MYOM1: variants seen among roughly 807,000 people sequenced by gnomAD.
MYOM1 encodes myomesin-1.
MYOM1 carries 164 observed loss-of-function variants against 205.3 expected under a neutral mutation model. The observed-to-expected ratio is 0.80, with a 90% CI of 0.70 to 0.91. The LOEUF (loss-of-function observed/expected upper bound fraction) is 0.91, where lower values mean the gene tolerates loss of function less well. Ranked by LOEUF, MYOM1 falls within the 40% of genes least tolerant of loss-of-function variation. The pLI, the probability that MYOM1 is intolerant of heterozygous loss-of-function variation, is 0.00. For missense variants in MYOM1, 2,011 were observed against 2,127.3 expected, an observed-to-expected ratio of 0.95 and a Z score of 1.08; for synonymous variants, 772 against 789.4, an observed-to-expected ratio of 0.98 and a Z score of 0.37.
At chr18:3,188,225 A>G (rs1407165224) in intron 4 of MYOM1, among the ~76,000 whole-genome samples, 1 of 151,824 alleles carries the variant, frequency 6.6e-6, no homozygotes, top group African/African-American at 2.4e-5. Context: ...GGAGTTTAAA[A>G]CTATTGTTTG....
intron 19 of MYOM1, among the ~76,000 whole-genome samples, chr18:3,122,521 T>C (rs1254513872): frequency 6.6e-6 from 1 of 152,230 alleles, no homozygotes; most frequent in Non-Finnish European, 1.5e-5. Context: ...GAATTATATC[T>C]TAATAAAGGG....
intron 11 of MYOM1, among the ~76,000 whole-genome samples, chr18:3,153,419 G>A (rs368396667): frequency 1.3e-4 from 20 of 152,290 alleles, no homozygotes; most frequent in Middle Eastern, 3.4e-3. Context: ...GAAGTGTTTA[G>A]AACAGTGCCA....
chr18:3,168,709 G>A (rs2080508668), intron 9 of MYOM1, 108 bp downstream of exon 9: 2 of 1,097,750 alleles, frequency 1.8e-6, no homozygotes, highest in South Asian at 1.5e-5. Context: ...TCGTGTAAAG[G>A]TAGTCCCTTC....
chr18:3,070,766 G>GTGTA (rs2078950212), intron 37 of MYOM1, among the ~76,000 whole-genome samples: 1 of 149,598 alleles, frequency 6.7e-6, no homozygotes, highest in Admixed American at 6.6e-5. Flanking sequence ...GTGTGTGTGT[G>GTGTA]TGTGTGTGCA....
intron 2 of MYOM1, among the ~76,000 whole-genome samples, chr18:3,197,737 G>C (rs1487252727): frequency 6.6e-6 from 1 of 151,880 alleles, no homozygotes; most frequent in Non-Finnish European, 1.5e-5. Flanking sequence ...GCTGGGCATG[G>C]TGGCAGGCGC....
At chr18:3,121,726 A>C (rs893557374) in intron 19 of MYOM1, among the ~76,000 whole-genome samples, 12 of 152,218 alleles carry the variant, frequency 7.9e-5, no homozygotes, top group African/African-American at 2.7e-4. Flanking sequence ...CACCAAAACG[A>C]AAGAAACTCG....
In MYOM1 at chr18:3,214,945, G is replaced by A; in HGVS notation, c.279C>T (p.Gly93=). Residue 93 remains glycine, a synonymous_variant, in exon 2 of 38, where the codon GGC becomes GGT. Transcript: ENST00000356443. ...GGCGTCCGACATACCCATGGGAGGA[G>A]CCATAATCGTAGGCTGAGGCTGCCT... ...SRKAASAYDY[G]SSHGLTDSSL... 1 of 1,599,824 alleles carries A rather than the reference G, an allele frequency of 6.3e-7. No individual in the cohort carries two copies. The highest frequency in any genetic ancestry group is 1.3e-5 in the African/African-American group (1 of 74,776).
chr18:3,134,514 T>G (rs2143904581), intron 16 of MYOM1, 136 bp downstream of exon 16: 1 of 940,944 alleles, frequency 1.1e-6, no homozygotes, highest in East Asian at 2.7e-5. Flanking sequence ...GTGCTAGGAT[T>G]ACAGGTGTAA....
At chr18:3,073,732 C>T (rs1160474544) in intron 36 of MYOM1, among the ~76,000 whole-genome samples, 2 of 152,210 alleles carry the variant, frequency 1.3e-5, no homozygotes, top group African/African-American at 2.4e-5. Context: ...GGCATGCCCA[C>T]ATGTGCATTG....
At chr18:3,124,748 G>A (rs1024725129) in intron 19 of MYOM1, among the ~76,000 whole-genome samples, 2 of 152,096 alleles carry the variant, frequency 1.3e-5, no homozygotes, top group African/African-American at 4.8e-5. Flanking sequence ...AATGTAAGTG[G>A]CAAAATAGTA....
chr18:3,094,238 C>A lies in MYOM1; in HGVS notation c.3796G>T (p.Ala1266Ser), dbSNP rs554969785. The A allele has an allele frequency of 2.5e-6, 4 of 1,613,968 alleles. No homozygotes were observed. The South Asian group carries it at 3.3e-5, about 13-fold the overall frequency. Reference sequence around the variant, plus strand: ...TTGGCATTGCCAGACAGTTTCTCAGCCTGCATCCAAAACCGGACCTGGCCT... The same window carrying A: ...TTGGCATTGCCAGACAGTTTCTCAGACTGCATCCAAAACCGGACCTGGCCT... Reference protein sequence around the residue: ...EKGQVRFWMQAEKLSGNAKVN... With the variant: ...EKGQVRFWMQSEKLSGNAKVN... The change falls in exon 26 of 38, where the codon GCT (alanine) becomes TCT (serine). Residue 1266 changes from alanine (A) to serine (S), a missense_variant. Transcript: ENST00000356443.
intron 2 of MYOM1, among the ~76,000 whole-genome samples, chr18:3,196,000 T>C (rs941768148): frequency 2.6e-5 from 4 of 152,200 alleles, no homozygotes; most frequent in African/African-American, 9.6e-5. Flanking sequence ...ATGTGTTATA[T>C]AGTACTGCTT....
At chr18:3,126,264 CAA>C (rs575517054) in intron 19 of MYOM1, among the ~76,000 whole-genome samples, 15,440 of 64,516 alleles carry the variant, frequency 0.24, 847 homozygotes, top group East Asian at 0.42. Context: ...GACTTCATCT[CAA>C]AAAAAAAAAA....
intron 13 of MYOM1, among the ~76,000 whole-genome samples, chr18:3,148,776 G>T (rs1387203384): frequency 6.8e-6 from 1 of 146,830 alleles, no homozygotes; most frequent in Non-Finnish European, 1.5e-5. Context: ...AACCCGGGAG[G>T]CGGAGCTTGT....
intron 13 of MYOM1, among the ~76,000 whole-genome samples, chr18:3,143,196 TTGTAG>T (rs1567930985): frequency 3.3e-5 from 5 of 152,276 alleles, no homozygotes; most frequent in African/African-American, 9.6e-5. Context: ...GCAATCATTC[TTGTAG>T]TGTAGATCTG....
At chr18:3,139,849 T>C (rs868746146) in intron 14 of MYOM1, among the ~76,000 whole-genome samples, 2 of 152,198 alleles carry the variant, frequency 1.3e-5, no homozygotes, top group South Asian at 2.1e-4. Context: ...AGGGAAGTTA[T>C]AGACTTCCAC....
intron 10 of MYOM1, among the ~76,000 whole-genome samples, chr18:3,156,314 T>C (rs1421466004): frequency 6.6e-6 from 1 of 152,210 alleles, no homozygotes; most frequent in Non-Finnish European, 1.5e-5. Context: ...TTTCTTTCCC[T>C]ATGATCTACA....
At chr18:3,084,399 T>A (rs900665543) in intron 31 of MYOM1, among the ~76,000 whole-genome samples, 3 of 152,200 alleles carry the variant, frequency 2.0e-5, no homozygotes, top group Admixed American at 6.5e-5. Context: ...CATCGATTCA[T>A]AATGAATTAA....
chr18:3,143,632 G>A (rs2143950317), intron 13 of MYOM1, among the ~76,000 whole-genome samples: 1 of 152,242 alleles, frequency 6.6e-6, no homozygotes, highest in South Asian at 2.1e-4. Flanking sequence ...CAGGCACGAT[G>A]GCTCATGCCT....
Sources: allele counts gnomAD v4.1 joint callset (sites outside exome capture counted in the v4.1 genomes callset), GRCh38; gene constraint gnomAD v4.1.1; transcripts MANE v1.5; gene names NCBI Gene and HGNC (gene_info 2026-07-23, HGNC 2026-07-21).